The following ZNF445 variants were observed in gnomAD, a reference collection of about 807,000 sequenced individuals.
The protein encoded by ZNF445 is zinc finger protein 445.
Under a neutral mutation model 93.9 loss-of-function variants are expected in ZNF445, and 19 were observed. That is an observed-to-expected ratio of 0.20 (90% CI 0.14 to 0.30). ZNF445 has a LOEUF of 0.30. Among genes scored for constraint, ZNF445 ranks in the 10% least tolerant of loss-of-function variants. ZNF445 has a pLI of 1.00. For synonymous variants in ZNF445, 449 were observed against 446.3 expected, an observed-to-expected ratio of 1.01 and a Z score of -0.08; for missense variants, 1,058 against 1,259.4, an observed-to-expected ratio of 0.84 and a Z score of 2.42.
At chr3:44,455,732 T>C (rs933006230) in intron 2 of ZNF445, 36 bp from the exon 3 acceptor site, 6 of 596,988 alleles carry the variant, frequency 1.0e-5, no homozygotes, top group Non-Finnish European at 1.1e-5. Context: ...ATGTCCATTA[T>C]ACATGGTGCA....
intron 1 of ZNF445, among the ~76,000 whole-genome samples, chr3:44,471,370 G>A (rs77750754): frequency 0.11 from 16,412 of 152,190 alleles, 936 homozygotes; most frequent in Middle Eastern, 0.19. Flanking sequence ...AGACTCATGA[G>A]AGAAGAACTG....
intron 7 of ZNF445, among the ~76,000 whole-genome samples, chr3:44,449,029 A>T (rs1259513802): frequency 6.6e-6 from 1 of 152,256 alleles, no homozygotes; most frequent in Non-Finnish European, 1.5e-5. Context: ...GAGAAAAATC[A>T]TGGCATTATA....
chr3:44,466,422 T>C (rs1179792874), intron 1 of ZNF445, among the ~76,000 whole-genome samples: 1 of 152,208 alleles, frequency 6.6e-6, no homozygotes, highest in African/African-American at 2.4e-5. Flanking sequence ...AAATATGAAA[T>C]GGTGTTTGGC....
chr3:44,431,910 T>C lies in ZNF445; in HGVS notation c.*14665A>G, dbSNP rs902968767. The C allele has an allele frequency of 6.6e-6, 1 of 151,120 alleles. No homozygotes were observed. The highest frequency in any genetic ancestry group is 1.5e-5 in the Non-Finnish European group (1 of 68,016). The allele number at this position is 151,120 out of a possible 1,614,324, so 9.4% of individuals were successfully genotyped here. On this transcript the variant is annotated 3_prime_UTR_variant, in exon 8 of 8. Coordinates refer to ENST00000396077, the MANE Select transcript of ZNF445 (RefSeq NM_181489.6). ...AATATATCTGAAGATTATATGAAAT[T>C]TATTTTTTATTTTTTATTTTTTTGA...
chr3:44,451,098 T>C, intron 4 of ZNF445, 136 bp from the exon 5 acceptor site: 2 of 990,810 alleles, frequency 2.0e-6, no homozygotes, highest in Non-Finnish European at 3.0e-6. Flanking sequence ...TCACATGTCC[T>C]CAGTCTACTG....
At position 44,435,983 on chromosome 3, in the gene ZNF445, G is replaced by T. The variant is rs1199380287; in HGVS notation, c.*10592C>A. On this transcript the variant is annotated 3_prime_UTR_variant, in exon 8 of 8. Coordinates refer to ENST00000396077, the MANE Select transcript of ZNF445 (RefSeq NM_181489.6). ...CAATCACTCTGATAAATGGCCTTGG[G>T]TGCCTTTGGGGAGGCCTAGGAAGAT... 4.6e-5 allele frequency: 7 copies of T among 152,246 alleles called. No individual in the cohort carries two copies. In the East Asian group the frequency reaches 9.6e-4, roughly 21 times the overall value. The allele number at this position is 152,246 out of a possible 1,614,324, so 9.4% of individuals were successfully genotyped here. A position where few individuals can be genotyped will look rare whatever the true frequency, so the allele number is the denominator to read the frequency against.
rs751442947 is a variant in ZNF445 at position 44,446,783 on chromosome 3, G to A, written c.2888C>T (p.Ser963Phe). 2 of 1,614,182 alleles carry A rather than the reference G, an allele frequency of 1.2e-6. No homozygotes were observed. Among genetic ancestry groups the A allele is most frequent in the South Asian group, 1.1e-5 (1 of 91,084 alleles). Residue 963 changes from serine (S) to phenylalanine (F), a missense_variant, in exon 8 of 8, where the codon TCC becomes TTC. This residue lies in a region of ZNF445 where 387 missense variants were observed against 475.7 expected (regional missense o/e 0.81). Coordinates refer to ENST00000396077, the MANE Select transcript of ZNF445 (RefSeq NM_181489.6). This position sits in a 1 kb window ranked among gnomAD's most constrained non-coding sequence, Gnocchi z 4.2. ...EDCKEACSQS[S>F]RLTGLQDISI... Reference sequence around the variant, plus strand: ...TATGTCCTGGAGTCCAGTGAGCCTGGAGCTCTGGCTGCAAGCTTCTTTGCA... The same window carrying A: ...TATGTCCTGGAGTCCAGTGAGCCTGAAGCTCTGGCTGCAAGCTTCTTTGCA...
rs528051186 is a variant in ZNF445, at chr3:44,465,300, C to T, written c.-268-6936G>A. On this transcript the variant is annotated intron_variant, in intron 1 of 7. Transcript: ENST00000396077. ...CAGAAGGTTTTAAGGATTGTCTTAA[C>T]CTAAAAGAGGAATGGAACAAAACTG... Among the ~76,000 whole-genome samples, 264 of 152,030 alleles carry T rather than the reference C, an allele frequency of 1.7e-3. 1 individual carries two copies. The highest frequency in any genetic ancestry group is 4.2e-3 in the Admixed American group (64 of 15,284).
At position 44,435,342 on chromosome 3, in the gene ZNF445, C is replaced by G. The variant is rs1043868544; in HGVS notation, c.*11233G>C. The G allele has an allele frequency of 6.6e-6, 1 of 152,216 alleles. No individual in the cohort carries two copies. The highest frequency in any genetic ancestry group is 6.5e-5 in the Admixed American group (1 of 15,286). 9.4% of individuals were successfully genotyped at this position (152,216 alleles called of 1,614,324 possible). On this transcript the variant is annotated 3_prime_UTR_variant, in exon 8 of 8. Coordinates refer to ENST00000396077, the MANE Select transcript of ZNF445 (RefSeq NM_181489.6). The stretch of plus-strand genomic sequence containing the variant: ...CAGTGATTGATTTACTGTGTGAGAA[C>G]AGAACAAACCTGGGCCTGGCTCAGT...
rs545686449 is a variant in ZNF445, at chr3:44,447,336, T to C, written c.2335A>G (p.Ile779Val). Reference protein sequence around the residue: ...KAFRNHSFLLIHQRVHTGEKP... With the variant: ...KAFRNHSFLLVHQRVHTGEKP... ...TCTCCAGTGTGAACTCTCTGATGGA[T>C]GAGGAGGAATGAGTGATTGCGGAAG... Residue 779 changes from isoleucine to valine, a missense_variant, in exon 8 of 8, where the codon ATC (isoleucine) becomes GTC (valine). Coordinates refer to ENST00000396077, the MANE Select transcript of ZNF445 (RefSeq NM_181489.6). The surrounding 1 kb of genome is among the most constrained non-coding windows in gnomAD (Gnocchi z 4.7). 5.6e-6 allele frequency: 9 copies of C among 1,613,920 alleles called. No homozygotes were observed. The highest frequency in any genetic ancestry group is 1.6e-4 in the Middle Eastern group (1 of 6,084).
chr3:44,469,792 AAAACAAAAC>A lies in ZNF445; in HGVS notation c.-269+7790_-269+7798del, dbSNP rs1196584218. Among the ~76,000 whole-genome samples the A allele has an allele frequency of 9.2e-5, 14 of 152,238 alleles. No individual in the cohort carries two copies. The South Asian group carries it at 2.5e-3, about 27-fold the overall frequency. On this transcript the variant is annotated intron_variant, in intron 1 of 7. Coordinates refer to ENST00000396077, the MANE Select transcript of ZNF445 (RefSeq NM_181489.6). ...TCAAAAACAAAAACAAAAACAAAAC[AAAACAAAAC>A]AAACAAAACAAAGGAGTACATCAAG...
intron 1 of ZNF445, among the ~76,000 whole-genome samples, chr3:44,464,811 C>T (rs1397891199): frequency 6.6e-6 from 1 of 152,142 alleles, no homozygotes; most frequent in African/African-American, 2.4e-5. Flanking sequence ...CACAGTGGCT[C>T]ACGGCTGTAA....
In ZNF445 at chr3:44,444,417, G is replaced by A. The variant is rs1697853465; in HGVS notation, c.*2158C>T. On this transcript the variant is annotated 3_prime_UTR_variant, in exon 8 of 8. Coordinates refer to ENST00000396077, the MANE Select transcript of ZNF445 (RefSeq NM_181489.6). ...CCAAGCACTCTAACTTCACACATAA[G>A]GAAATTGATGCAGAGGTTCATTGAC... 1.3e-5 allele frequency: 2 copies of A among 152,170 alleles called. No homozygotes were observed. The highest frequency in any genetic ancestry group is 2.1e-4 in the South Asian group (1 of 4,818). The allele number at this position is 152,170 out of a possible 1,614,324, so 9.4% of individuals were successfully genotyped here.
In ZNF445 at chr3:44,441,370, T is replaced by C. The variant is rs1340641838; in HGVS notation, c.*5205A>G. 1.3e-5 allele frequency: 2 copies of C among 152,268 alleles called. No individual in the cohort carries two copies. Among genetic ancestry groups the C allele is most frequent in the Non-Finnish European group, 2.9e-5 (2 of 68,054 alleles). The allele number at this position is 152,268 out of a possible 1,614,324, so 9.4% of individuals were successfully genotyped here. The stretch of plus-strand genomic sequence containing the variant: ...GGCTTCTTTACCACATGCTGTTTTA[T>C]TGGCAAGGTCTTTATGACTGTATCT... On this transcript the variant is annotated 3_prime_UTR_variant, in exon 8 of 8. Transcript: ENST00000396077.
chr3:44,450,680 CA>C, intron 5 of ZNF445, 107 bp from the exon 6 acceptor site: 1 of 1,474,064 alleles, frequency 6.8e-7, no homozygotes, highest in Non-Finnish European at 9.2e-7. Context: ...ATGGACCTGG[CA>C]AAGGTGAAAG....
Position 44,442,629 on chromosome 3 carries a change from C to T in ZNF445, c.*3946G>A, listed in dbSNP as rs542904065. The stretch of plus-strand genomic sequence containing the variant: ...ATACCCACTCCAGCCATCTGGCTCT[C>T]CTCAACCCCAACTTCAGTTCCTCCA... On this transcript the variant is annotated 3_prime_UTR_variant, in exon 8 of 8. Transcript: ENST00000396077. The T allele has an allele frequency of 6.6e-6, 1 of 152,386 alleles. No homozygotes were observed. Among genetic ancestry groups the T allele is most frequent in the African/African-American group, 2.4e-5 (1 of 41,572 alleles). 9.4% of individuals were successfully genotyped at this position (152,386 alleles called of 1,614,324 possible). A position where few individuals can be genotyped will look rare whatever the true frequency, so the allele number is the denominator to read the frequency against.
chr3:44,451,327 C>G lies in ZNF445; in HGVS notation c.585G>C (p.Leu195=). The change falls in exon 4 of 8, where the codon CTG becomes CTC. Residue 195 remains leucine, a synonymous_variant. Transcript: ENST00000396077. ...PPYEIEARDF[L]AGQSDTPAAQ... ...GGCAGCAAGTACCGGATTGCCCAGC[C>G]AGGAAGTCACGTGCTTCTATTTCAT... 2 of 1,613,836 alleles carry G rather than the reference C, an allele frequency of 1.2e-6. No homozygotes were observed. Among genetic ancestry groups the G allele is most frequent in the Non-Finnish European group, 1.7e-6 (2 of 1,179,762 alleles).
At chr3:44,456,417 A>C (rs1420466764) in intron 2 of ZNF445, among the ~76,000 whole-genome samples, 1 of 152,184 alleles carries the variant, frequency 6.6e-6, no homozygotes, top group Non-Finnish European at 1.5e-5. Flanking sequence ...GGTCTGTCTC[A>C]AAACAAGCAA....
At chr3:44,475,552 T>C (rs181508497) in intron 1 of ZNF445, among the ~76,000 whole-genome samples, 1 of 152,328 alleles carries the variant, frequency 6.6e-6, no homozygotes, top group Non-Finnish European at 1.5e-5. Context: ...GGACATTTAA[T>C]ACTGTCAATT....
Sources: gnomAD v4.1 joint callset for allele counts (sites outside exome capture counted in the v4.1 genomes callset) on GRCh38, gnomAD v4.1.1 for gene constraint, gnomAD v4.1.1 regional missense constraint, Gnocchi (gnomAD v3.1) non-coding constraint, MANE v1.5 for transcripts, NCBI Gene and HGNC (gene_info 2026-07-23, HGNC 2026-07-21) for gene names.